Variants in UBE2G1 observed in about 807,000 individuals in gnomAD.
The protein encoded by UBE2G1 is ubiquitin-conjugating enzyme E2 G1.
In UBE2G1, 5 loss-of-function variants were observed where a neutral mutation model predicts 22.7. The ratio of observed to expected loss-of-function variants is 0.22; its 90% CI spans 0.12 to 0.46. The LOEUF (loss-of-function observed/expected upper bound fraction) is 0.46. Among genes scored for constraint, UBE2G1 ranks in the 20% least tolerant of loss-of-function variants. UBE2G1 has a pLI of 0.99. For synonymous variants in UBE2G1, 74 were observed against 67.5 expected, an observed-to-expected ratio of 1.10 and a Z score of -0.47; for missense variants, 88 against 203.9, an observed-to-expected ratio of 0.43 and a Z score of 3.46.
At chr17:4,361,755 ATGGCAAAAACCCTG>A in intron 1 of UBE2G1, among the ~76,000 whole-genome samples, 1 of 152,082 alleles carries the variant, frequency 6.6e-6, no homozygotes, top group Admixed American at 6.6e-5. Context: ...CCTGGCCAAC[ATGGCAAAAACCCTG>A]TCTCTACTAA....
In UBE2G1 at chr17:4,313,724, G is replaced by A. The variant is rs112178800; in HGVS notation, c.47-6601C>T. Among the ~76,000 whole-genome samples, 1,033 of 152,260 alleles carry A rather than the reference G, an allele frequency of 6.8e-3. 6 individuals carry two copies. The highest frequency in any genetic ancestry group is 0.01 in the Middle Eastern group (3 of 294). On this transcript the variant is annotated intron_variant, in intron 1 of 5. Transcript: ENST00000396981. The stretch of plus-strand genomic sequence containing the variant: ...TCTGGTGTACTGGTAGAGGCATGCC[G>A]TCCGTAATATGTGCGTACTTTCCTG...
intron 1 of UBE2G1, among the ~76,000 whole-genome samples, chr17:4,362,553 C>G (rs1371801665): frequency 6.6e-6 from 1 of 152,130 alleles, no homozygotes; most frequent in Non-Finnish European, 1.5e-5. Context: ...CCATTTTGTT[C>G]AATTCTGAAA....
At chr17:4,323,774 C>A (rs1199159652) in intron 1 of UBE2G1, among the ~76,000 whole-genome samples, 3 of 152,156 alleles carry the variant, frequency 2.0e-5, no homozygotes. Flanking sequence ...TCGAAGTGGG[C>A]TCAAGCAATC....
intron 1 of UBE2G1, among the ~76,000 whole-genome samples, chr17:4,327,900 T>C (rs1969520800): frequency 6.6e-6 from 1 of 152,216 alleles, no homozygotes; most frequent in Non-Finnish European, 1.5e-5. Context: ...ATGAGACATC[T>C]GCCATCCTTG....
intron 5 of UBE2G1, among the ~76,000 whole-genome samples, chr17:4,281,935 C>A (rs1472635969): frequency 2.0e-5 from 3 of 152,046 alleles, no homozygotes; most frequent in Non-Finnish European, 4.4e-5. Flanking sequence ...ATTTCCTCTT[C>A]TAAGGTGGAT....
chr17:4,316,701 T>C (rs1388003924), intron 1 of UBE2G1, among the ~76,000 whole-genome samples: 1 of 152,092 alleles, frequency 6.6e-6, no homozygotes, highest in African/African-American at 2.4e-5. Flanking sequence ...AAAAACATTT[T>C]TGGCCAGGCA....
chr17:4,287,324 G>A (rs1054510762), intron 4 of UBE2G1, among the ~76,000 whole-genome samples: 1 of 151,166 alleles, frequency 6.6e-6, no homozygotes. Flanking sequence ...GGCTGGTCTC[G>A]AACTCCTGAC....
intron 1 of UBE2G1, among the ~76,000 whole-genome samples, chr17:4,322,972 A>T (rs1969459629): frequency 6.6e-6 from 1 of 152,238 alleles, no homozygotes. Flanking sequence ...TTGCAAAGCA[A>T]GCCCTGAATT....
intron 1 of UBE2G1, among the ~76,000 whole-genome samples, chr17:4,327,035 C>A (rs1969510521): frequency 6.6e-6 from 1 of 152,168 alleles, no homozygotes; most frequent in Non-Finnish European, 1.5e-5. Context: ...GTGGCTCACG[C>A]CTGTAATCCC....
chr17:4,331,328 A>C (rs1296259343), intron 1 of UBE2G1, among the ~76,000 whole-genome samples: 1 of 152,228 alleles, frequency 6.6e-6, no homozygotes, highest in Non-Finnish European at 1.5e-5. Context: ...TTATAATTTA[A>C]GTGGTTTACA....
chr17:4,319,139 C>G (rs770347825), intron 1 of UBE2G1, among the ~76,000 whole-genome samples: 1 of 152,004 alleles, frequency 6.6e-6, no homozygotes, highest in Non-Finnish European at 1.5e-5. Flanking sequence ...CTGAAGAGAT[C>G]AGAATATTAA....
At chr17:4,357,502 T>TGGGGGGG (rs1432433475) in intron 1 of UBE2G1, among the ~76,000 whole-genome samples, 1 of 11,244 alleles carries the variant, frequency 8.9e-5, no homozygotes, top group Admixed American at 1.3e-3. Context: ...TGTGTGTGTG[T>TGGGGGGG]GTGTGTGGGG....
chr17:4,350,869 A>G (rs1047260412), intron 1 of UBE2G1, among the ~76,000 whole-genome samples: 2 of 151,884 alleles, frequency 1.3e-5, no homozygotes, highest in African/African-American at 4.8e-5. Flanking sequence ...CGCCTCTACT[A>G]AAAATACAAA....
intron 1 of UBE2G1, among the ~76,000 whole-genome samples, chr17:4,337,979 G>C (rs539334460): frequency 1.3e-5 from 2 of 152,022 alleles, no homozygotes; most frequent in Admixed American, 1.3e-4. Context: ...GACCATCCTG[G>C]CTAACATGGT....
intron 2 of UBE2G1, among the ~76,000 whole-genome samples, chr17:4,306,674 T>C (rs1205577293): frequency 6.6e-6 from 1 of 151,976 alleles, no homozygotes; most frequent in African/African-American, 2.4e-5. Context: ...TGTTTTGAGA[T>C]GGAGTCTCAC....
chr17:4,280,280 A>C (rs1280597998), intron 5 of UBE2G1, among the ~76,000 whole-genome samples: 4 of 138,198 alleles, frequency 2.9e-5, no homozygotes, highest in African/African-American at 1.1e-4. Flanking sequence ...CAGGTAATCC[A>C]CCTGCCTCAG....
At chr17:4,356,770 A>G (rs1969910516) in intron 1 of UBE2G1, among the ~76,000 whole-genome samples, 1 of 152,206 alleles carries the variant, frequency 6.6e-6, no homozygotes, top group South Asian at 2.1e-4. Flanking sequence ...CTCTATTTCA[A>G]CTTCCTGTTC....
chr17:4,338,932 C>T (rs773029391), intron 1 of UBE2G1, among the ~76,000 whole-genome samples: 22 of 152,180 alleles, frequency 1.4e-4, no homozygotes, highest in Non-Finnish European at 1.9e-4. Flanking sequence ...TGCCTACTGA[C>T]CGAGCACTAC....
chr17:4,365,954 G>A (rs1206861624), intron 1 of UBE2G1, among the ~76,000 whole-genome samples: 3 of 152,050 alleles, frequency 2.0e-5, no homozygotes, highest in African/African-American at 4.8e-5. Context: ...TGGCGGCCCC[G>A]GCCTGGGGAC....
Sources: allele counts gnomAD v4.1 joint callset (sites outside exome capture counted in the v4.1 genomes callset), GRCh38; gene constraint gnomAD v4.1.1; transcripts MANE v1.5; gene names NCBI Gene and HGNC (gene_info 2026-07-23, HGNC 2026-07-21).